APOBEC3B: variants seen among roughly 807,000 people sequenced by gnomAD.
APOBEC3B encodes DNA dC->dU-editing enzyme APOBEC-3B.
Under a neutral mutation model 53.4 loss-of-function variants are expected in APOBEC3B, and 29 were observed. That is an observed-to-expected ratio of 0.54 (90% CI 0.40 to 0.74). APOBEC3B has a LOEUF of 0.74. Among genes scored for constraint, APOBEC3B ranks in the 30% least tolerant of loss-of-function variants. The pLI, the probability that APOBEC3B is intolerant of heterozygous loss-of-function variation, is 0.00. For missense variants in APOBEC3B, 347 were observed against 496.2 expected (o/e 0.70, Z 2.86); for synonymous variants, 132 against 184.8 (o/e 0.71, Z 2.32).
In APOBEC3B at chr22:38,991,316, CTG is replaced by C. The variant is rs779338230; in HGVS notation, c.724-14_724-13del. 6 of 1,433,586 alleles carry C rather than the reference CTG, an allele frequency of 4.2e-6. No homozygotes were observed. In the South Asian group the frequency reaches 7.1e-5, roughly 17 times the overall value. 88.8% of individuals were successfully genotyped at this position (1,433,586 alleles called of 1,614,324 possible). On this transcript the variant is annotated splice_polypyrimidine_tract_variant and intron_variant, in intron 5 of 7. Coordinates refer to ENST00000333467, the MANE Select transcript of APOBEC3B (RefSeq NM_004900.5). ...TGTTCACCACACATCACCTCACACT[CTG>C]TTTCCTTTTCTAGGCTAAGAATCTT...
rs1174194648 is a variant in APOBEC3B, at chr22:38,992,735, T to G, written c.*290T>G. On this transcript the variant is annotated 3_prime_UTR_variant, in exon 8 of 8. Coordinates refer to ENST00000333467, the MANE Select transcript of APOBEC3B (RefSeq NM_004900.5). ...TGATTAATTGGCTCCATATTTAGAC[T>G]AATAAAACATTAAGAATCTTCCATA... 9 of 761,876 alleles carry G rather than the reference T, an allele frequency of 1.2e-5. 1 individual carries two copies. The highest frequency in any genetic ancestry group is 3.8e-4 in the Middle Eastern group (1 of 2,642). The allele number at this position is 761,876 out of a possible 1,614,324, so 47.2% of individuals were successfully genotyped here.
Position 38,984,139 on chromosome 22 carries a change from T to C in APOBEC3B, c.82T>C (p.Tyr28His). The C allele has an allele frequency of 1.9e-6, 3 of 1,591,426 alleles. No individual in the cohort carries two copies. The highest frequency in any genetic ancestry group is 2.6e-6 in the Non-Finnish European group (3 of 1,171,830). The change falls in exon 2 of 8, where the codon TAT becomes CAT. Residue 28 changes from tyrosine (Y) to histidine (H), a missense_variant. Tyr to His is a moderately conservative substitution (Grantham distance 83, BLOSUM62 2). Around this residue, in one of 5 missense-constraint regions of APOBEC3B, gnomAD observed 73 missense variants for 90.9 expected, o/e 0.80. Coordinates refer to ENST00000333467, the MANE Select transcript of APOBEC3B (RefSeq NM_004900.5). ...YDNFENEPIL[Y>H]GRSYTWLCYE... Reference sequence around the variant, plus strand: ...CAACTTTGAAAACGAACCCATCCTCTATGGTCGGAGCTACACTTGGCTGTG... The same window carrying C: ...CAACTTTGAAAACGAACCCATCCTCCATGGTCGGAGCTACACTTGGCTGTG...
At chr22:38,990,572 C>T (rs1923953734) in intron 5 of APOBEC3B, among the ~76,000 whole-genome samples, 1 of 147,868 alleles carries the variant, frequency 6.8e-6, no homozygotes, top group African/African-American at 2.5e-5. Context: ...TATACCATGT[C>T]ACAGGGACCT....
At position 38,985,976 on chromosome 22, in the gene APOBEC3B, T is replaced by C. The variant is rs1923718960; in HGVS notation, c.339T>C (p.Asn113=). The C allele has an allele frequency of 6.3e-7, 1 of 1,599,590 alleles. No homozygotes were observed. Among genetic ancestry groups the C allele is most frequent in the African/African-American group, 1.4e-5 (1 of 73,856 alleles). Residue 113 remains asparagine, a synonymous_variant, in exon 3 of 8, where the codon AAT becomes AAC. Coordinates refer to ENST00000333467, the MANE Select transcript of APOBEC3B (RefSeq NM_004900.5). ...CCGAATTCCTGTCTGAGCACCCCAA[T>C]GTCACCCTGACCATCTCTGCCGCCC... ...KLAEFLSEHP[N]VTLTISAARL... is the part of the protein sequence containing the mutation.
chr22:38,984,306 G>A, intron 2 of APOBEC3B, 75 bp downstream of exon 2: 1 of 1,488,138 alleles, frequency 6.7e-7, no homozygotes, highest in Non-Finnish European at 9.0e-7. Flanking sequence ...ATATGGGTGA[G>A]ACAGGAGGAT....
chr22:38,992,087 C>A lies in APOBEC3B; in HGVS notation c.1072C>A (p.Pro358Thr), dbSNP rs145606871. Residue 358 changes from proline to threonine, a missense_variant, in exon 7 of 8, where the codon CCC (proline) becomes ACC (threonine). Around this residue, in one of 5 missense-constraint regions of APOBEC3B, gnomAD observed 78 missense variants for 103.9 expected, o/e 0.75. Transcript: ENST00000333467. ...FVYRQGCPFQ[P>T]WDGLEEHSQA... ...GTACCGCCAGGGATGTCCCTTCCAGCCCTGGGATGGACTAGAGGAGCACAG... is the reference window on the plus strand; with the variant it reads ...GTACCGCCAGGGATGTCCCTTCCAGACCTGGGATGGACTAGAGGAGCACAG... The A allele has an allele frequency of 4.3e-4, 683 of 1,592,352 alleles. 56 individuals carry two copies. The highest frequency in any genetic ancestry group is 5.7e-4 in the Non-Finnish European group (664 of 1,172,162).
intron 1 of APOBEC3B, among the ~76,000 whole-genome samples, chr22:38,982,960 A>T (rs1923592050): frequency 1.3e-5 from 2 of 148,568 alleles, no homozygotes; most frequent in Admixed American, 6.9e-5. Flanking sequence ...TCATCCAAGG[A>T]TGACTCCATG....
chr22:38,986,524 A>G, intron 4 of APOBEC3B, 112 bp downstream of exon 4: 1 of 1,194,358 alleles, frequency 8.4e-7, no homozygotes, highest in South Asian at 1.5e-5. Context: ...GCCTGCCCTC[A>G]TGGTCACACC....
intron 1 of APOBEC3B, among the ~76,000 whole-genome samples, chr22:38,983,540 C>T (rs1296335105): frequency 6.7e-6 from 1 of 148,550 alleles, no homozygotes; most frequent in African/African-American, 2.4e-5. Context: ...GCAGGTTACC[C>T]CGCCTCTCTG....
chr22:38,992,774 A>G lies in APOBEC3B; in HGVS notation c.*329A>G, dbSNP rs566217009. The G allele has an allele frequency of 4.9e-6, 3 of 616,646 alleles. No homozygotes were observed. Among genetic ancestry groups the G allele is most frequent in the South Asian group, 2.1e-5 (1 of 47,664 alleles). 38.2% of individuals were successfully genotyped at this position (616,646 alleles called of 1,614,324 possible). A position where few individuals can be genotyped will look rare whatever the true frequency, so the allele number is the denominator to read the frequency against. ...GAATCTTCCATAATTGTTTCCACAA[A>G]CACTAGCAAATGTGTAGATGTCTTT... On this transcript the variant is annotated 3_prime_UTR_variant, in exon 8 of 8. Coordinates refer to ENST00000333467, the MANE Select transcript of APOBEC3B (RefSeq NM_004900.5).
In APOBEC3B at chr22:38,988,246, G is replaced by T. The variant is rs182993566; in HGVS notation, c.570-1211G>T. On this transcript the variant is annotated intron_variant, in intron 4 of 7. Coordinates refer to ENST00000333467, the MANE Select transcript of APOBEC3B (RefSeq NM_004900.5). The stretch of plus-strand genomic sequence containing the variant: ...GTTCCCAGTTTTGGTCCCAGTGCTG[G>T]TCTCTCCTCCAATGGTACCAATTCC... Among the ~76,000 whole-genome samples, 2 of 148,388 alleles carry T rather than the reference G, an allele frequency of 1.3e-5. 1 individual carries two copies. Among genetic ancestry groups the T allele is most frequent in the African/African-American group, 4.9e-5 (2 of 40,792 alleles).
At chr22:38,988,523 A>C (rs1001538797) in intron 4 of APOBEC3B, among the ~76,000 whole-genome samples, 1 of 148,432 alleles carries the variant, frequency 6.7e-6, no homozygotes, top group Non-Finnish European at 1.5e-5. Context: ...TTTGCTATGA[A>C]GAAGCCTTGT....
rs769463981 is a variant in APOBEC3B at position 38,991,913 on chromosome 22, G to A, written c.1019-121G>A. ...ATGAAGGAGCTAAGTCCCTAGGGGA[G>A]GGAGAGGGAAAGGAGGGACTGAAAC... On this transcript the variant is annotated intron_variant, in intron 6 of 7. Transcript: ENST00000333467. 52 of 1,399,786 alleles carry A rather than the reference G, an allele frequency of 3.7e-5. 4 individuals carry two copies. Among genetic ancestry groups the A allele is most frequent in the Non-Finnish European group, 4.7e-5 (50 of 1,062,672 alleles). 86.7% of individuals were successfully genotyped at this position (1,399,786 alleles called of 1,614,324 possible).
Position 38,992,031 on chromosome 22 carries a change from C to A in APOBEC3B, c.1019-3C>A. On this transcript the variant is annotated splice_polypyrimidine_tract_variant and splice_region_variant and intron_variant, in intron 6 of 7. Transcript: ENST00000333467. ...GTGACTTATCTCCCCTGTCCCTTTTCAGAGTTTGAGTACTGCTGGGACACC... is the reference window on the plus strand; with the variant it reads ...GTGACTTATCTCCCCTGTCCCTTTTAAGAGTTTGAGTACTGCTGGGACACC... 1 of 1,576,850 alleles carries A rather than the reference C, an allele frequency of 6.3e-7. No homozygotes were observed.
chr22:38,989,041 T>C (rs1279996239), intron 4 of APOBEC3B, among the ~76,000 whole-genome samples: 1 of 147,720 alleles, frequency 6.8e-6, no homozygotes, highest in South Asian at 2.2e-4. Flanking sequence ...ATGCTGGGTG[T>C]GGTAGGAGTT....
chr22:38,985,860 T>C lies in APOBEC3B; in HGVS notation c.223T>C (p.Phe75Leu), dbSNP rs200746401. ...CGCAGAAATGTGCTTCCTCTCTTGG[T>C]TCTGTGGCAACCAGCTGCCTGCTTA... is the stretch of plus-strand genomic sequence containing the variant. ...YHAEMCFLSW[F>L]CGNQLPAYKC... The change falls in exon 3 of 8, where the codon TTC becomes CTC. Residue 75 changes from phenylalanine to leucine, a missense_variant. Coordinates refer to ENST00000333467, the MANE Select transcript of APOBEC3B (RefSeq NM_004900.5). 103 of 1,594,200 alleles carry C rather than the reference T, an allele frequency of 6.5e-5. 4 individuals carry two copies. Among genetic ancestry groups the C allele is most frequent in the Admixed American group, 4.0e-4 (23 of 57,032 alleles).
rs998052671 is a variant in APOBEC3B, at chr22:38,986,130, A to G, written c.454+39A>G. ...GGGTCAGGGGAGCGTGAGCGGGAGG[A>G]ACAGCATGAAAGATGGATGGATCTG... On this transcript the variant is annotated intron_variant, in intron 3 of 7. Coordinates refer to ENST00000333467, the MANE Select transcript of APOBEC3B (RefSeq NM_004900.5). The G allele has an allele frequency of 2.0e-5, 32 of 1,581,130 alleles. 4 individuals are homozygous for G. The highest frequency in any genetic ancestry group is 2.5e-5 in the Non-Finnish European group (29 of 1,165,956).
intron 4 of APOBEC3B, 114 bp downstream of exon 4, chr22:38,986,526 G>A: frequency 1.6e-6 from 2 of 1,217,384 alleles, no homozygotes; most frequent in Non-Finnish European, 2.2e-6. Context: ...CTGCCCTCAT[G>A]GTCACACCAC....
At position 38,992,626 on chromosome 22, in the gene APOBEC3B, T is replaced by C. The variant is rs1924058545; in HGVS notation, c.*181T>C. On this transcript the variant is annotated 3_prime_UTR_variant, in exon 8 of 8. Coordinates refer to ENST00000333467, the MANE Select transcript of APOBEC3B (RefSeq NM_004900.5). ...AAAAATCAGAGTCAATTAATTTTAATTGAAAATTTCTCTTATGTTCCAAGT... is the reference window on the plus strand; with the variant it reads ...AAAAATCAGAGTCAATTAATTTTAACTGAAAATTTCTCTTATGTTCCAAGT... 7 of 1,479,072 alleles carry C rather than the reference T, an allele frequency of 4.7e-6. No homozygotes were observed. The highest frequency in any genetic ancestry group is 6.3e-6 in the Non-Finnish European group (7 of 1,107,136). The allele number at this position is 1,479,072 out of a possible 1,614,324, so 91.6% of individuals were successfully genotyped here. A position where few individuals can be genotyped will look rare whatever the true frequency, so the allele number is the denominator to read the frequency against.
Sources: gnomAD v4.1 joint callset for allele counts (sites outside exome capture counted in the v4.1 genomes callset) on GRCh38, gnomAD v4.1.1 for gene constraint, gnomAD v4.1.1 regional missense constraint, MANE v1.5 for transcripts, NCBI Gene and HGNC (gene_info 2026-07-23, HGNC 2026-07-21) for gene names.